The following ARID4A variants were observed in gnomAD, a reference collection of about 807,000 sequenced individuals.
ARID4A encodes the protein AT-rich interactive domain-containing protein 4A.
ARID4A carries 39 observed loss-of-function variants against 148.6 expected under a neutral mutation model. That is an observed-to-expected ratio of 0.26 (90% CI 0.20 to 0.34). ARID4A has a LOEUF of 0.34. ARID4A is among the 10% of genes least tolerant of loss of function. The pLI, the probability that ARID4A is intolerant of heterozygous loss-of-function variation, is 1.00. For missense variants in ARID4A, 1,265 were observed against 1,449.1 expected, an observed-to-expected ratio of 0.87 and a Z score of 2.06; for synonymous variants, 475 against 481.2, an observed-to-expected ratio of 0.99 and a Z score of 0.17.
intron 5 of ARID4A, among the ~76,000 whole-genome samples, chr14:58,308,407 T>G (rs1279394672): frequency 6.6e-6 from 1 of 152,232 alleles, no homozygotes. Flanking sequence ...GTGATTCTGA[T>G]GCAGGTAGTT....
intron 7 of ARID4A, among the ~76,000 whole-genome samples, chr14:58,322,217 G>T (rs542300258): frequency 1.3e-5 from 2 of 152,002 alleles, no homozygotes; most frequent in East Asian, 1.9e-4. Context: ...GGATCCACCC[G>T]CCTCGGCCTC....
At chr14:58,302,368 C>T (rs948042634) in intron 3 of ARID4A, among the ~76,000 whole-genome samples, 8 of 152,172 alleles carry the variant, frequency 5.3e-5, no homozygotes, top group African/African-American at 1.7e-4. Context: ...GTGGCAGGCA[C>T]CTGTAATCCC....
Position 58,353,663 on chromosome 14 carries a change from A to T in ARID4A, c.1661A>T (p.Glu554Val). Residue 554 changes from glutamate (E) to valine (V), a missense_variant, in exon 17 of 24, where the codon GAA becomes GTA. Coordinates refer to ENST00000355431, the MANE Select transcript of ARID4A (RefSeq NM_002892.4). Reference sequence around the variant, plus strand: ...AGTATTATAACTTACTGCAGGGAAGAAACTGAAAGCAAATGTGACTCTGAA... The same window carrying T: ...AGTATTATAACTTACTGCAGGGAAGTAACTGAAAGCAAATGTGACTCTGAA... ...EEEEKSQERE[E>V]TESKCDSEGE... 1 of 1,613,864 alleles carries T rather than the reference A, an allele frequency of 6.2e-7. No homozygotes were observed. The highest frequency in any genetic ancestry group is 8.5e-7 in the Non-Finnish European group (1 of 1,179,842).
intron 3 of ARID4A, among the ~76,000 whole-genome samples, chr14:58,302,499 A>C (rs547005276): frequency 1.1e-4 from 16 of 151,648 alleles, no homozygotes; most frequent in African/African-American, 3.6e-4. Flanking sequence ...ATCTCCAAAA[A>C]ATAAAAAAAT....
In ARID4A at chr14:58,318,526, C is replaced by G. The variant is rs759340650; in HGVS notation, c.275-16C>G. 21 of 1,612,654 alleles carry G rather than the reference C, an allele frequency of 1.3e-5. No homozygotes were observed. Among genetic ancestry groups the G allele is most frequent in the Non-Finnish European group, 1.8e-5 (21 of 1,178,986 alleles). ...TTAGTGTGCATAAATTCTCTGTTAT[C>G]TTTTGCTTATTATAGTGTTTGATGA... is the stretch of plus-strand genomic sequence containing the variant. On this transcript the variant is annotated splice_polypyrimidine_tract_variant and intron_variant, in intron 5 of 23. Transcript: ENST00000355431.
intron 1 of ARID4A, among the ~76,000 whole-genome samples, 184 bp downstream of exon 1, chr14:58,298,884 C>T (rs935716238): frequency 7.9e-5 from 12 of 152,218 alleles, no homozygotes; most frequent in Non-Finnish European, 1.6e-4. Flanking sequence ...ACTGCAGGAA[C>T]CGCCGCCGCA....
chr14:58,356,305 C>G (rs2034862645), intron 17 of ARID4A, among the ~76,000 whole-genome samples: 1 of 152,090 alleles, frequency 6.6e-6, no homozygotes, highest in South Asian at 2.1e-4. Flanking sequence ...CTTTGTTAGC[C>G]CTGGATCAGG....
chr14:58,339,707 T>C (rs1410246588), intron 11 of ARID4A, among the ~76,000 whole-genome samples: 1 of 152,080 alleles, frequency 6.6e-6, no homozygotes, highest in Non-Finnish European at 1.5e-5. Flanking sequence ...CTTTGTTAGA[T>C]TGGGTATTTT....
rs781161292 is a variant in ARID4A, at chr14:58,366,953, A to C, written c.3594A>C (p.Lys1198Asn). The C allele has an allele frequency of 6.6e-7, 1 of 1,519,614 alleles. No homozygotes were observed. Among genetic ancestry groups the C allele is most frequent in the Admixed American group, 2.4e-5 (1 of 40,998 alleles). 94.1% of individuals were successfully genotyped at this position (1,519,614 alleles called of 1,614,324 possible). A position where few individuals can be genotyped will look rare whatever the true frequency, so the allele number is the denominator to read the frequency against. Reference sequence around the variant, plus strand: ...AAGAAAAACTACAGGAAATCAGAAAATATTATATGTCTTTGAAGTCTGAAG... The same window carrying C: ...AAGAAAAACTACAGGAAATCAGAAACTATTATATGTCTTTGAAGTCTGAAG... ...FLQEKLQEIR[K>N]YYMSLKSEVA... The change falls in exon 23 of 24, where the codon AAA becomes AAC. Residue 1198 changes from lysine to asparagine, a missense_variant. Physicochemically the swap from Lys to Asn is moderately conservative, Grantham distance 94 (BLOSUM62 0). Around this residue, in one of 9 missense-constraint regions of ARID4A, gnomAD observed 666 missense variants for 730.9 expected, o/e 0.91. Coordinates refer to ENST00000355431, the MANE Select transcript of ARID4A (RefSeq NM_002892.4).
intron 23 of ARID4A, among the ~76,000 whole-genome samples, chr14:58,369,310 A>G (rs2035498036): frequency 6.6e-6 from 1 of 152,164 alleles, no homozygotes; most frequent in East Asian, 1.9e-4. Context: ...AGCATATGAA[A>G]TTTCAGAATC....
intron 5 of ARID4A, among the ~76,000 whole-genome samples, chr14:58,317,114 A>G (rs1273553979): frequency 7.0e-6 from 1 of 143,844 alleles, no homozygotes; most frequent in Non-Finnish European, 1.5e-5. Context: ...AATGGCGTGA[A>G]CCCGGGAGGC....
intron 9 of ARID4A, among the ~76,000 whole-genome samples, chr14:58,329,086 A>G (rs558597448): frequency 6.6e-6 from 1 of 152,296 alleles, no homozygotes; most frequent in African/African-American, 2.4e-5. Context: ...TTTTTGAGTT[A>G]TAGTTCTCTG....
chr14:58,318,083 A>G (rs1244136109), intron 5 of ARID4A, among the ~76,000 whole-genome samples: 1 of 152,212 alleles, frequency 6.6e-6, no homozygotes, highest in East Asian at 1.9e-4. Flanking sequence ...GTAGTAGGTT[A>G]TCATGCAAAT....
chr14:58,301,439 T>C (rs983315515), intron 2 of ARID4A, 141 bp from the exon 3 acceptor site: 7 of 502,524 alleles, frequency 1.4e-5, no homozygotes, highest in Non-Finnish European at 2.5e-5. Context: ...GTATTTAGGG[T>C]ATTTTTCAAA....
At chr14:58,317,290 ATT>A (rs1215908033) in intron 5 of ARID4A, among the ~76,000 whole-genome samples, 1 of 131,644 alleles carries the variant, frequency 7.6e-6, no homozygotes. Context: ...CTTCTTTTTT[ATT>A]TTTTTTTTTT....
In ARID4A at chr14:58,347,769, T is replaced by C. The variant is rs1294821362; in HGVS notation, c.1295T>C (p.Leu432Pro). The C allele has an allele frequency of 6.2e-7, 1 of 1,613,650 alleles. No homozygotes were observed. Among genetic ancestry groups the C allele is most frequent in the East Asian group, 2.2e-5 (1 of 44,844 alleles). Residue 432 changes from leucine (L) to proline (P), a missense_variant, in exon 15 of 24, where the codon CTC (leucine) becomes CCC (proline). Leu to Pro is a moderately conservative substitution (Grantham distance 98). Around this residue, in one of 9 missense-constraint regions of ARID4A, gnomAD observed 205 missense variants for 196.9 expected, o/e 1.04. Transcript: ENST00000355431. ...KDLEESMEEA[L>P]KLDQEMPLTE... ...TTAGAAGAATCAATGGAAGAGGCTC[T>C]CAAATTAGATCAAGAAATGCCTTTA...
Position 58,364,228 on chromosome 14 carries a change from A to G in ARID4A, c.2139A>G (p.Glu713=), listed in dbSNP as rs567359383. The change falls in exon 20 of 24, where the codon GAA becomes GAG. Residue 713 remains glutamate, a synonymous_variant. Coordinates refer to ENST00000355431, the MANE Select transcript of ARID4A (RefSeq NM_002892.4). ...EDALEKNLIN[E]ELSLKDELEK... ...CTTTAGAAAAGAATTTAATAAATGA[A>G]GAACTTTCTCTTAAAGATGAACTAG... The G allele has an allele frequency of 1.1e-5, 17 of 1,507,310 alleles. No homozygotes were observed. The African/African-American group carries it at 1.7e-4, about 15-fold the overall frequency. The allele number at this position is 1,507,310 out of a possible 1,614,324, so 93.4% of individuals were successfully genotyped here. A position where few individuals can be genotyped will look rare whatever the true frequency, so the allele number is the denominator to read the frequency against.
At chr14:58,324,859 T>G (rs1014736972) in intron 8 of ARID4A, among the ~76,000 whole-genome samples, 3 of 152,170 alleles carry the variant, frequency 2.0e-5, no homozygotes, top group Non-Finnish European at 4.4e-5. Flanking sequence ...TGTTCTAAGC[T>G]CCTTAGAAGA....
In ARID4A at chr14:58,366,929, A is replaced by T. The variant is rs1221513226; in HGVS notation, c.3570A>T (p.Gln1190His). ...MNSTERISFL[Q>H]EKLQEIRKYY... is the part of the protein sequence containing the mutation. Reference sequence around the variant, plus strand: ...GTACAGAGAGAATCTCATTTCTCCAAGAAAAACTACAGGAAATCAGAAAAT... The same window carrying T: ...GTACAGAGAGAATCTCATTTCTCCATGAAAAACTACAGGAAATCAGAAAAT... The change falls in exon 23 of 24, where the codon CAA becomes CAT. Residue 1190 changes from glutamine to histidine, a missense_variant. Gln to His is a conservative substitution (Grantham distance 24). Around this residue, in one of 9 missense-constraint regions of ARID4A, gnomAD observed 666 missense variants for 730.9 expected, o/e 0.91. Transcript: ENST00000355431. 1 of 1,522,996 alleles carries T rather than the reference A, an allele frequency of 6.6e-7. No homozygotes were observed. The allele number at this position is 1,522,996 out of a possible 1,614,324, so 94.3% of individuals were successfully genotyped here. A position where few individuals can be genotyped will look rare whatever the true frequency, so the allele number is the denominator to read the frequency against.
Sources: gnomAD v4.1 joint callset for allele counts (sites outside exome capture counted in the v4.1 genomes callset) on GRCh38, gnomAD v4.1.1 for gene constraint, gnomAD v4.1.1 regional missense constraint, MANE v1.5 for transcripts, NCBI Gene and HGNC (gene_info 2026-07-23, HGNC 2026-07-21) for gene names.